The following ATF1 variants were observed in gnomAD, a reference collection of about 807,000 sequenced individuals.
ATF1 encodes activating transcription factor 1.
In ATF1, 16 loss-of-function variants were observed where a neutral mutation model predicts 34.7. The observed-to-expected ratio is 0.46, with a 90% CI of 0.31 to 0.70. The LOEUF is 0.70. Ranked by LOEUF, ATF1 falls within the 30% of genes least tolerant of loss-of-function variation. The probability of loss-of-function intolerance (pLI) is 0.05; values close to 1 mark genes in which losing one functional copy is unlikely to be tolerated. For synonymous variants in ATF1, 105 were observed against 113.1 expected, an observed-to-expected ratio of 0.93 and a Z score of 0.46; for missense variants, 255 against 321.6, an observed-to-expected ratio of 0.79 and a Z score of 1.58.
chr12:50,794,299 G>A (rs1287700620), intron 2 of ATF1, among the ~76,000 whole-genome samples: 1 of 151,646 alleles, frequency 6.6e-6, no homozygotes, highest in Non-Finnish European at 1.5e-5. Flanking sequence ...AGGCACAGTG[G>A]CTCACACTTG....
upstream of ATF1, chr12:50,764,061 C>T (rs930313978): frequency 5.3e-5 from 8 of 150,428 alleles, no homozygotes; most frequent in Admixed American, 5.3e-4. Flanking sequence ...CCCTCCCCCG[C>T]CCCCGCCCCC....
At chr12:50,807,848 C>T (rs1316532968) in intron 3 of ATF1, among the ~76,000 whole-genome samples, 6 of 143,920 alleles carry the variant, frequency 4.2e-5, no homozygotes, top group South Asian at 2.2e-4. Context: ...CTCACTCTGT[C>T]GCCCAGGCTG....
intron 1 of ATF1, among the ~76,000 whole-genome samples, chr12:50,770,606 C>T (rs1027846074): frequency 2.0e-5 from 3 of 152,208 alleles, no homozygotes; most frequent in African/African-American, 7.2e-5. Flanking sequence ...TCTTGCTGCA[C>T]TTTATACAAA....
At chr12:50,815,437 G>A (rs1941824321) in intron 6 of ATF1, among the ~76,000 whole-genome samples, 1 of 152,126 alleles carries the variant, frequency 6.6e-6, no homozygotes, top group African/African-American at 2.4e-5. Context: ...CCACACTGGA[G>A]TGCAGTGGCA....
chr12:50,765,782 T>C (rs1231255882), intron 1 of ATF1, among the ~76,000 whole-genome samples: 1 of 152,150 alleles, frequency 6.6e-6, no homozygotes, highest in Non-Finnish European at 1.5e-5. Flanking sequence ...TCCTCACTGC[T>C]ACACTCCCAT....
chr12:50,788,822 A>T (rs112893410), intron 2 of ATF1, among the ~76,000 whole-genome samples: 1 of 152,152 alleles, frequency 6.6e-6, no homozygotes, highest in Non-Finnish European at 1.5e-5. Flanking sequence ...CTCATAGTAT[A>T]AACAATTGGC....
upstream of ATF1, chr12:50,764,060 G>T (rs1024812513): frequency 1.9e-5 from 1 of 53,298 alleles, no homozygotes; most frequent in Non-Finnish European, 4.3e-5. Flanking sequence ...CCCCTCCCCC[G>T]CCCCCGCCCC....
intron 3 of ATF1, among the ~76,000 whole-genome samples, chr12:50,808,885 G>C (rs931952480): frequency 6.6e-6 from 1 of 151,334 alleles, no homozygotes; most frequent in Non-Finnish European, 1.5e-5. Context: ...GATTACAGGC[G>C]CCTGCCACCA....
intron 6 of ATF1, among the ~76,000 whole-genome samples, chr12:50,815,695 A>G (rs1018328076): frequency 6.6e-6 from 1 of 152,012 alleles, no homozygotes; most frequent in Non-Finnish European, 1.5e-5. Flanking sequence ...CCAGCCCCCA[A>G]AAATTTAAAA....
intron 6 of ATF1, among the ~76,000 whole-genome samples, chr12:50,818,895 C>T (rs973916347): frequency 2.6e-5 from 4 of 152,216 alleles, no homozygotes; most frequent in Non-Finnish European, 5.9e-5. Context: ...CATGAGCCAC[C>T]ATGCCTGGCC....
intron 2 of ATF1, among the ~76,000 whole-genome samples, chr12:50,792,743 G>T (rs905367742): frequency 6.6e-6 from 1 of 151,758 alleles, no homozygotes; most frequent in Non-Finnish European, 1.5e-5. Flanking sequence ...GAAAGTTATT[G>T]CTTATGATTT....
At chr12:50,790,785 C>T (rs1037012207) in intron 2 of ATF1, among the ~76,000 whole-genome samples, 1 of 152,034 alleles carries the variant, frequency 6.6e-6, no homozygotes, top group Non-Finnish European at 1.5e-5. Flanking sequence ...TTGGCTCCTA[C>T]TCTCCCACAG....
intron 3 of ATF1, among the ~76,000 whole-genome samples, chr12:50,804,610 C>T (rs1435661224): frequency 6.6e-6 from 1 of 152,106 alleles, no homozygotes; most frequent in East Asian, 1.9e-4. Context: ...ATGATTGAGC[C>T]ACTACACTCT....
intron 1 of ATF1, among the ~76,000 whole-genome samples, chr12:50,777,359 T>C (rs1015109937): frequency 7.2e-5 from 11 of 152,090 alleles, no homozygotes; most frequent in African/African-American, 4.8e-5. Flanking sequence ...GTATTTTCCA[T>C]GTAAGAAGAA....
intron 3 of ATF1, among the ~76,000 whole-genome samples, chr12:50,799,038 C>A (rs956414679): frequency 6.6e-6 from 1 of 152,210 alleles, no homozygotes; most frequent in African/African-American, 2.4e-5. Flanking sequence ...CCACAACCCA[C>A]AGAAGGCTGA....
At chr12:50,814,473 A>C in intron 6 of ATF1, 34 bp downstream of exon 6, 1 of 1,592,620 alleles carries the variant, frequency 6.3e-7, no homozygotes, top group Non-Finnish European at 8.6e-7. Flanking sequence ...AGAATGGGTA[A>C]TGTTTTTACA....
rs556989698 is a variant in ATF1, at chr12:50,809,637, T to G, written c.328+48T>G. On this transcript the variant is annotated intron_variant, in intron 4 of 6. Transcript: ENST00000262053. The stretch of plus-strand genomic sequence containing the variant: ...ACATTATAAACACACAAAACCTGAC[T>G]TTTCTGTAGAAAGAAATGGTGTTAG... 1.2e-5 allele frequency: 19 copies of G among 1,529,136 alleles called. No homozygotes were observed. The Admixed American group carries it at 2.1e-4, about 17-fold the overall frequency. The allele number at this position is 1,529,136 out of a possible 1,614,324, so 94.7% of individuals were successfully genotyped here.
intron 2 of ATF1, among the ~76,000 whole-genome samples, chr12:50,793,816 CAT>C (rs1941354994): frequency 6.6e-6 from 1 of 151,790 alleles, no homozygotes; most frequent in African/African-American, 2.4e-5. Flanking sequence ...AAGGAAATAA[CAT>C]ATAAAAGAAG....
At chr12:50,791,219 T>C (rs1457325843) in intron 2 of ATF1, among the ~76,000 whole-genome samples, 1 of 152,132 alleles carries the variant, frequency 6.6e-6, no homozygotes, top group African/African-American at 2.4e-5. Context: ...GTTTGTTTAA[T>C]CTAGTCTTGG....
Sources: gnomAD v4.1 joint callset for allele counts (sites outside exome capture counted in the v4.1 genomes callset) on GRCh38, gnomAD v4.1.1 for gene constraint, MANE v1.5 for transcripts, NCBI Gene and HGNC (gene_info 2026-07-23, HGNC 2026-07-21) for gene names.